PCDH15: variants seen among roughly 807,000 people sequenced by gnomAD.
PCDH15 encodes the protein protocadherin-15.
In PCDH15, 129 loss-of-function variants were observed where a neutral mutation model predicts 178.5. The ratio of observed to expected loss-of-function variants is 0.72; its 90% CI spans 0.63 to 0.84. The LOEUF is 0.84. Ranked by LOEUF, PCDH15 falls within the 40% of genes least tolerant of loss-of-function variation. The pLI, the probability that PCDH15 is intolerant of heterozygous loss-of-function variation, is 0.00. For synonymous variants in PCDH15, 800 were observed against 732.0 expected, an observed-to-expected ratio of 1.09 and a Z score of -1.50; for missense variants, 2,230 against 2,099.9, an observed-to-expected ratio of 1.06 and a Z score of -1.21.
intron 2 of PCDH15, among the ~76,000 whole-genome samples, chr10:54,957,361 A>C (rs1838515388): frequency 6.6e-6 from 1 of 151,628 alleles, no homozygotes. Context: ...AGTTTATTTG[A>C]GATTTGGAGA....
At chr10:55,200,734 A>G (rs905958163) in intron 1 of PCDH15, among the ~76,000 whole-genome samples, 7 of 151,908 alleles carry the variant, frequency 4.6e-5, no homozygotes, top group Non-Finnish European at 1.0e-4. Context: ...ATGGGGGCAG[A>G]TTTCCTCCTT....
chr10:54,850,035 T>C (rs1248571269), intron 3 of PCDH15, among the ~76,000 whole-genome samples: 1 of 152,114 alleles, frequency 6.6e-6, no homozygotes, highest in African/African-American at 2.4e-5. Flanking sequence ...TCTGAGACAA[T>C]TGTCTAACAA....
chr10:55,371,277 C>T (rs951074634), intron 2 of PCDH15, among the ~76,000 whole-genome samples: 1 of 152,086 alleles, frequency 6.6e-6, no homozygotes, highest in African/African-American at 2.4e-5. Flanking sequence ...TACCACATTT[C>T]TGGCAACTTG....
intron 3 of PCDH15, among the ~76,000 whole-genome samples, chr10:54,455,855 C>A (rs1021093599): frequency 6.6e-6 from 1 of 152,154 alleles, no homozygotes; most frequent in African/African-American, 2.4e-5. Context: ...GCTTCAGCTC[C>A]AGCCATGGCT....
At chr10:54,247,956 ATATACACAT>A in intron 8 of PCDH15, among the ~76,000 whole-genome samples, 2 of 143,168 alleles carry the variant, frequency 1.4e-5, no homozygotes, top group African/African-American at 5.6e-5. Flanking sequence ...ATATATATAT[ATATACACAT>A]ACAGTAAATG....
intron 18 of PCDH15, among the ~76,000 whole-genome samples, chr10:54,057,418 C>T (rs12244759): frequency 4.6e-5 from 7 of 151,928 alleles, no homozygotes; most frequent in African/African-American, 1.5e-4. Context: ...TGCACCTGCA[C>T]GATCAACACC....
At chr10:54,031,673 C>T (rs895606000) in intron 18 of PCDH15, among the ~76,000 whole-genome samples, 2 of 152,048 alleles carry the variant, frequency 1.3e-5, no homozygotes, top group African/African-American at 4.8e-5. Flanking sequence ...TCCAACATAA[C>T]CTGCAGGCCT....
At chr10:55,069,014 C>T (rs1208282667) in intron 2 of PCDH15, among the ~76,000 whole-genome samples, 5 of 152,000 alleles carry the variant, frequency 3.3e-5, no homozygotes, top group Admixed American at 3.3e-4. Context: ...TCTTGTGCCT[C>T]ACCCTCCGAA....
At chr10:54,171,633 C>T (rs1590942973) in intron 13 of PCDH15, among the ~76,000 whole-genome samples, 1 of 152,000 alleles carries the variant, frequency 6.6e-6, no homozygotes, top group Non-Finnish European at 1.5e-5. Flanking sequence ...CCCCAAACTG[C>T]CACTCTTAAC....
At chr10:54,219,191 C>T (rs780879958) in intron 9 of PCDH15, among the ~76,000 whole-genome samples, 4 of 141,908 alleles carry the variant, frequency 2.8e-5, no homozygotes, top group Non-Finnish European at 6.0e-5. Context: ...AGGAGAATGG[C>T]GTGAACCAAG....
At chr10:53,941,197 A>G (rs992613711) in intron 23 of PCDH15, among the ~76,000 whole-genome samples, 3 of 152,160 alleles carry the variant, frequency 2.0e-5, no homozygotes, top group African/African-American at 4.8e-5. Context: ...CATCATTTAC[A>G]TGAGGGTGCA....
chr10:54,790,620 C>T (rs1229982469), intron 1 of PCDH15, among the ~76,000 whole-genome samples: 1 of 151,758 alleles, frequency 6.6e-6, no homozygotes, highest in Non-Finnish European at 1.5e-5. Context: ...AGATCATTCC[C>T]CTGGCCCCAA....
intron 8 of PCDH15, among the ~76,000 whole-genome samples, chr10:54,307,181 G>T (rs1412217095): frequency 7.8e-6 from 1 of 128,706 alleles, no homozygotes. Context: ...CAGGTACTTG[G>T]AAAGACATTC....
At chr10:55,249,047 A>C (rs909222275) in intron 1 of PCDH15, among the ~76,000 whole-genome samples, 1 of 152,208 alleles carries the variant, frequency 6.6e-6, no homozygotes, top group Non-Finnish European at 1.5e-5. Context: ...AAAAGTTGTA[A>C]ATCTATAAAA....
chr10:55,357,663 T>C (rs555615235), intron 2 of PCDH15, among the ~76,000 whole-genome samples: 1 of 152,134 alleles, frequency 6.6e-6, no homozygotes, highest in African/African-American at 2.4e-5. Flanking sequence ...TAGCATTAAT[T>C]TATTCTATAT....
At chr10:54,691,738 A>T (rs1483478761) in intron 1 of PCDH15, among the ~76,000 whole-genome samples, 1 of 152,110 alleles carries the variant, frequency 6.6e-6, no homozygotes. Context: ...TCACCCTGTG[A>T]TTTCTACATG....
At chr10:55,144,385 G>T (rs1185382471) in intron 2 of PCDH15, among the ~76,000 whole-genome samples, 2 of 152,064 alleles carry the variant, frequency 1.3e-5, no homozygotes, top group Non-Finnish European at 2.9e-5. Flanking sequence ...ATTAAGAATT[G>T]GTGTACACTA....
At chr10:55,558,635 T>C (rs1341896833) in intron 2 of PCDH15, among the ~76,000 whole-genome samples, 2 of 152,172 alleles carry the variant, frequency 1.3e-5, no homozygotes, top group Non-Finnish European at 2.9e-5. Context: ...ATTAGCTTTA[T>C]ACAATTTTTA....
At chr10:55,545,271 C>CT (rs35082183) in intron 2 of PCDH15, among the ~76,000 whole-genome samples, 45,801 of 140,996 alleles carry the variant, frequency 0.32, 7,594 homozygotes, top group East Asian at 0.49. Flanking sequence ...TGCTCAGTTC[C>CT]TTTTTTTTTT....
Sources: gnomAD v4.1 joint callset for allele counts (sites outside exome capture counted in the v4.1 genomes callset) on GRCh38, gnomAD v4.1.1 for gene constraint, MANE v1.5 for transcripts, NCBI Gene and HGNC (gene_info 2026-07-23, HGNC 2026-07-21) for gene names.